Variants in STK24 observed in about 807,000 individuals in gnomAD.
STK24 encodes serine/threonine-protein kinase 24.
In STK24, 21 loss-of-function variants were observed where a neutral mutation model predicts 55.6. The observed-to-expected ratio is 0.38, with a 90% confidence interval of 0.27 to 0.54. STK24 has a LOEUF of 0.54. Among genes scored for constraint, STK24 ranks in the 20% least tolerant of loss-of-function variants. The probability of loss-of-function intolerance (pLI) is 0.79; values close to 1 mark genes in which losing one functional copy is unlikely to be tolerated. For missense variants in STK24, 383 were observed against 538.4 expected, an observed-to-expected ratio of 0.71 and a Z score of 2.86; for synonymous variants, 200 against 215.2, an observed-to-expected ratio of 0.93 and a Z score of 0.62.
Position 98,475,363 on chromosome 13 carries a change from GA to G in STK24, c.331-6del, listed in dbSNP as rs777234686. ...ATCTAATGGGCCAGGTTCTAACTAA[GA>G]AGAGAAAAAAATTCTTAAAGTTACT... is the stretch of plus-strand genomic sequence containing the variant. On this transcript the variant is annotated splice_polypyrimidine_tract_variant and splice_region_variant and intron_variant, in intron 3 of 10. Coordinates refer to ENST00000539966, the MANE Select transcript of STK24 (RefSeq NM_001032296.4). 5 of 1,577,722 alleles carry G rather than the reference GA, an allele frequency of 3.2e-6. No individual in the cohort carries two copies. In the African/African-American group the frequency reaches 6.9e-5, roughly 22 times the overall value.
chr13:98,468,309 G>A (rs979777240), intron 5 of STK24, among the ~76,000 whole-genome samples: 13 of 152,236 alleles, frequency 8.5e-5, no homozygotes, highest in Non-Finnish European at 1.3e-4. Flanking sequence ...AAGAGCTGAC[G>A]TTGGAAGTAA....
chr13:98,531,205 G>A (rs1199997027), intron 1 of STK24, among the ~76,000 whole-genome samples: 1 of 152,166 alleles, frequency 6.6e-6, no homozygotes, highest in Non-Finnish European at 1.5e-5. Context: ...ATTCTAATAA[G>A]TTTAAAGCTC....
chr13:98,485,608 A>G (rs1483511429), intron 2 of STK24, among the ~76,000 whole-genome samples: 1 of 152,250 alleles, frequency 6.6e-6, no homozygotes. Flanking sequence ...GGCAAGAAGG[A>G]GGTCTGCTTT....
rs1226636199 is a variant in STK24, at chr13:98,448,705, TG to T, written c.*4467del. 1 of 167,580 alleles carries T rather than the reference TG, an allele frequency of 6.0e-6. No individual in the cohort carries two copies. Among genetic ancestry groups the T allele is most frequent in the African/African-American group, 2.4e-5 (1 of 41,508 alleles). 10.4% of individuals were successfully genotyped at this position (167,580 alleles called of 1,614,324 possible). On this transcript the variant is annotated 3_prime_UTR_variant, in exon 11 of 11. Coordinates refer to ENST00000539966, the MANE Select transcript of STK24 (RefSeq NM_001032296.4). Reference sequence around the variant, plus strand: ...TCTTTCTTTTATTATTTTCACCTATTGGCTGCTGCATTTTACGAAGTGGACT... The same window carrying T: ...TCTTTCTTTTATTATTTTCACCTATTGCTGCTGCATTTTACGAAGTGGACT...
Position 98,457,266 on chromosome 13 carries a change from C to A in STK24, c.1161G>T (p.Gly387=), listed in dbSNP as rs761627645. The change falls in exon 10 of 11, where the codon GGG becomes GGT. Residue 387 remains glycine, a synonymous_variant. Transcript: ENST00000539966. ...TGGCCCCTCGCAGCTCTTCAATGGA[C>A]CCCAAGTTCCCTCCGCACGCCTGGC... ...EKSQACGGNL[G]SIEELRGAIY... The A allele has an allele frequency of 5.6e-6, 9 of 1,613,936 alleles. No homozygotes were observed. Among genetic ancestry groups the A allele is most frequent in the Non-Finnish European group, 1.7e-6 (2 of 1,180,042 alleles).
In STK24 at chr13:98,452,172, A is replaced by G. The variant is rs1472894304; in HGVS notation, c.*1001T>C. On this transcript the variant is annotated 3_prime_UTR_variant, in exon 11 of 11. Coordinates refer to ENST00000539966, the MANE Select transcript of STK24 (RefSeq NM_001032296.4). ...GAGTATGCAAAATAAGCGTGTTATA[A>G]AATTTATTTGTGTAAGCATTCAGAC... is the stretch of plus-strand genomic sequence containing the variant. 6.6e-6 allele frequency: 1 copy of G among 152,222 alleles called. No homozygotes were observed. The highest frequency in any genetic ancestry group is 1.5e-5 in the Non-Finnish European group (1 of 68,040). The allele number at this position is 152,222 out of a possible 1,614,324, so 9.4% of individuals were successfully genotyped here. A position where few individuals can be genotyped will look rare whatever the true frequency, so the allele number is the denominator to read the frequency against.
intron 2 of STK24, among the ~76,000 whole-genome samples, chr13:98,503,404 A>C (rs1392388444): frequency 6.6e-6 from 1 of 152,238 alleles, no homozygotes; most frequent in Non-Finnish European, 1.5e-5. Flanking sequence ...TTACTAAACC[A>C]AGAGCTGAAG....
chr13:98,485,911 A>G (rs992102645), intron 2 of STK24, among the ~76,000 whole-genome samples: 3 of 152,160 alleles, frequency 2.0e-5, no homozygotes, highest in Non-Finnish European at 4.4e-5. Context: ...CCAGCCATTA[A>G]TGGAGGAGGA....
intron 2 of STK24, 46 bp from the exon 3 acceptor site, chr13:98,482,367 G>C: frequency 1.6e-6 from 2 of 1,257,516 alleles, no homozygotes; most frequent in African/African-American, 1.5e-5. Flanking sequence ...AATGAATCCA[G>C]GAAAATTTTT....
chr13:98,541,174 A>C (rs957565019), intron 1 of STK24, among the ~76,000 whole-genome samples: 20 of 152,342 alleles, frequency 1.3e-4, no homozygotes, highest in Admixed American at 5.9e-4. Flanking sequence ...TATATAGCTT[A>C]GAAGGTATAT....
At chr13:98,503,238 T>C (rs148908258) in intron 2 of STK24, among the ~76,000 whole-genome samples, 14 of 152,238 alleles carry the variant, frequency 9.2e-5, no homozygotes, top group Admixed American at 7.8e-4. Context: ...CCAACACTTA[T>C]ATGCACTCAA....
At chr13:98,476,652 G>T (rs1208654549) in intron 3 of STK24, among the ~76,000 whole-genome samples, 1 of 152,208 alleles carries the variant, frequency 6.6e-6, no homozygotes, top group Non-Finnish European at 1.5e-5. Flanking sequence ...TCCACATCCG[G>T]AAGTACTTGT....
At chr13:98,502,299 T>C (rs78186748) in intron 2 of STK24, among the ~76,000 whole-genome samples, 17,107 of 152,066 alleles carry the variant, frequency 0.11, 1,043 homozygotes, top group Non-Finnish European at 0.14. Context: ...CCAGTAAACA[T>C]AGGAATCAAT....
At chr13:98,535,203 G>A (rs1212595879) in intron 1 of STK24, among the ~76,000 whole-genome samples, 2 of 152,096 alleles carry the variant, frequency 1.3e-5, no homozygotes, top group African/African-American at 2.4e-5. Context: ...TGGGCGTGGT[G>A]GCACGTGTCT....
chr13:98,551,467 G>A (rs989115865), intron 1 of STK24, among the ~76,000 whole-genome samples: 5 of 147,538 alleles, frequency 3.4e-5, no homozygotes, highest in African/African-American at 1.3e-4. Flanking sequence ...TTTTTTCTTA[G>A]CACCTTTATC....
At chr13:98,510,775 TG>T (rs1380709751) in intron 2 of STK24, among the ~76,000 whole-genome samples, 1 of 152,166 alleles carries the variant, frequency 6.6e-6, no homozygotes, top group Non-Finnish European at 1.5e-5. Context: ...TGAATGATGA[TG>T]GGTAGAGTAT....
At chr13:98,570,321 C>T (rs1730657504) in intron 1 of STK24, among the ~76,000 whole-genome samples, 2 of 152,160 alleles carry the variant, frequency 1.3e-5, no homozygotes, top group Non-Finnish European at 2.9e-5. Flanking sequence ...TACAAAACTA[C>T]CCATTAGACA....
chr13:98,535,355 AACAAAC>A (rs1235990609), intron 1 of STK24, among the ~76,000 whole-genome samples: 398 of 39,510 alleles, frequency 0.01, 5 homozygotes, highest in East Asian at 0.067. Context: ...CAAACAAACA[AACAAAC>A]AAAAAAAAAA....
chr13:98,532,817 T>C (rs1489800972), intron 1 of STK24, among the ~76,000 whole-genome samples: 1 of 152,232 alleles, frequency 6.6e-6, no homozygotes, highest in African/African-American at 2.4e-5. Flanking sequence ...AAGTTCTTCC[T>C]AGTCTGTGTC....
Sources: gnomAD v4.1 joint callset for allele counts (sites outside exome capture counted in the v4.1 genomes callset) on GRCh38, gnomAD v4.1.1 for gene constraint, MANE v1.5 for transcripts, NCBI Gene and HGNC (gene_info 2026-07-23, HGNC 2026-07-21) for gene names.